Variants in USP3 observed in about 807,000 individuals in gnomAD.
USP3 encodes ubiquitin carboxyl-terminal hydrolase 3.
A neutral mutation model predicts 72.3 loss-of-function variants in USP3; 20 were observed. The ratio of observed to expected loss-of-function variants is 0.28; its 90% CI spans 0.19 to 0.40. USP3 has a LOEUF of 0.40. Ranked by LOEUF, USP3 falls within the 10% of genes least tolerant of loss-of-function variation. The pLI is 1.00. For missense variants in USP3, 479 were observed against 633.9 expected (o/e 0.76, Z 2.62); for synonymous variants, 222 against 225.3 (o/e 0.99, Z 0.13).
rs371622451 is a variant in USP3, at chr15:63,558,094, C to T, written c.451-12C>T. 3.1e-6 allele frequency: 5 copies of T among 1,614,040 alleles called. No individual in the cohort carries two copies. Among genetic ancestry groups the T allele is most frequent in the South Asian group, 1.1e-5 (1 of 91,084 alleles). ...TGGCATTACTGATGGCCTCTTCTTG[C>T]ACCACTTACAGGGAAGCACCACTGC... On this transcript the variant is annotated splice_polypyrimidine_tract_variant and intron_variant, in intron 5 of 14. Transcript: ENST00000380324.
chr15:63,527,756 C>A (rs1224835059), intron 1 of USP3: 1 of 152,242 alleles, frequency 6.6e-6, no homozygotes, highest in Admixed American at 6.5e-5. Context: ...CTGCTCCGGT[C>A]TCTCTTGATA....
rs2066089503 is a variant in USP3, at chr15:63,532,384, AGT to A, written c.92-260_92-259del. 3.3e-5 allele frequency: 17 copies of A among 511,930 alleles called. No homozygotes were observed. The South Asian group carries it at 3.8e-4, about 12-fold the overall frequency. 31.7% of individuals were successfully genotyped at this position (511,930 alleles called of 1,614,324 possible). A position where few individuals can be genotyped will look rare whatever the true frequency, so the allele number is the denominator to read the frequency against. On this transcript the variant is annotated intron_variant, in intron 1 of 14. Transcript: ENST00000380324. ...AAGGGAATAAGTAATAAAGGAGACA[AGT>A]GTATATGTGTTTAACGTGGTTAAGC...
intron 1 of USP3, among the ~76,000 whole-genome samples, chr15:63,512,043 G>A (rs1319420144): frequency 2.2e-5 from 3 of 135,128 alleles, no homozygotes; most frequent in African/African-American, 5.6e-5. Context: ...TGCAACCTCC[G>A]CCTCTCGGGC....
At chr15:63,585,523 G>A (rs775264186) in intron 11 of USP3, among the ~76,000 whole-genome samples, 5 of 152,136 alleles carry the variant, frequency 3.3e-5, no homozygotes, top group Admixed American at 2.0e-4. Flanking sequence ...TGAATACATT[G>A]TTAGTGTATA....
Position 63,563,012 on chromosome 15 carries a change from A to G in USP3, c.761+4A>G. 6.3e-7 allele frequency: 1 copy of G among 1,583,794 alleles called. No individual in the cohort carries two copies. Among genetic ancestry groups the G allele is most frequent in the Non-Finnish European group, 8.6e-7 (1 of 1,158,982 alleles). On this transcript the variant is annotated splice_donor_region_variant and intron_variant, in intron 8 of 14. Coordinates refer to ENST00000380324, the MANE Select transcript of USP3 (RefSeq NM_006537.4). The stretch of plus-strand genomic sequence containing the variant: ...GGAAGATTATGCCAAACTTTAGGTA[A>G]GTATTATATGAAGATATTTTTAAAC...
chr15:63,554,202 C>A (rs2066475433), intron 4 of USP3, among the ~76,000 whole-genome samples: 2 of 152,124 alleles, frequency 1.3e-5, no homozygotes, highest in Non-Finnish European at 2.9e-5. Flanking sequence ...ATGATTTATG[C>A]ATCATTTTTA....
chr15:63,576,081 G>A (rs1201637723), intron 11 of USP3, among the ~76,000 whole-genome samples: 1 of 150,978 alleles, frequency 6.6e-6, no homozygotes, highest in East Asian at 1.9e-4. Context: ...CCGCCTCCCA[G>A]GTTCAAGTGA....
chr15:63,558,653 T>C (rs2066552151), intron 6 of USP3, among the ~76,000 whole-genome samples: 3 of 151,950 alleles, frequency 2.0e-5, no homozygotes, highest in Admixed American at 2.0e-4. Context: ...GGCGGGCAGA[T>C]CACCTAAAGT....
intron 3 of USP3, among the ~76,000 whole-genome samples, chr15:63,541,510 T>C (rs1177870203): frequency 6.6e-6 from 1 of 152,182 alleles, no homozygotes; most frequent in African/African-American, 2.4e-5. Context: ...GAAGAAACTT[T>C]CTAATAGAGA....
chr15:63,556,840 G>C, intron 5 of USP3, 92 bp downstream of exon 5: 1 of 904,910 alleles, frequency 1.1e-6, no homozygotes, highest in Non-Finnish European at 1.7e-6. Context: ...ACCTGTTACA[G>C]ACTTTTATAA....
In USP3 at chr15:63,542,307, TTAAA is replaced by T. The variant is rs576998099; in HGVS notation, c.284+5154_284+5157del. 3.7e-4 allele frequency: 208 copies of T among 557,656 alleles called. 1 individual carries two copies. In the African/African-American group the frequency reaches 4.1e-3, roughly 11 times the overall value. 34.5% of individuals were successfully genotyped at this position (557,656 alleles called of 1,614,324 possible). ...AAGTGTTTTTTATTTTAATTAATAT[TTAAA>T]TAGCACCATGTGACTGCTAGCTACT... On this transcript the variant is annotated intron_variant, in intron 3 of 14. Coordinates refer to ENST00000380324, the MANE Select transcript of USP3 (RefSeq NM_006537.4).
chr15:63,557,335 C>G (rs2066529653), intron 5 of USP3, among the ~76,000 whole-genome samples: 1 of 151,922 alleles, frequency 6.6e-6, no homozygotes, highest in Admixed American at 6.6e-5. Context: ...CAATCTTGGC[C>G]CATTGCAACC....
intron 8 of USP3, among the ~76,000 whole-genome samples, chr15:63,565,755 T>C (rs2066679897): frequency 6.6e-6 from 1 of 152,208 alleles, no homozygotes; most frequent in Non-Finnish European, 1.5e-5. Flanking sequence ...AGTTGTATCA[T>C]AATTTGTGTC....
At chr15:63,556,819 C>A in intron 5 of USP3, 71 bp downstream of exon 5, 1 of 1,070,950 alleles carries the variant, frequency 9.3e-7, no homozygotes, top group Non-Finnish European at 1.3e-6. Flanking sequence ...ACAACTCTAA[C>A]ATGTAATGTT....
rs143834641 is a variant in USP3, at chr15:63,556,495, A to AGT, written c.369-171_369-170dup. The AGT allele has an allele frequency of 3.8e-4, 179 of 470,862 alleles. 1 individual carries two copies. The highest frequency in any genetic ancestry group is 3.5e-3 in the African/African-American group (174 of 50,068). The allele number at this position is 470,862 out of a possible 1,614,324, so 29.2% of individuals were successfully genotyped here. A position where few individuals can be genotyped will look rare whatever the true frequency, so the allele number is the denominator to read the frequency against. ...GAGGAGCAATGGGGATTTCCAAGGA[A>AGT]GTAGAGCTCCTCGGTTAACTTCAAA... On this transcript the variant is annotated intron_variant, in intron 4 of 14. Transcript: ENST00000380324.
chr15:63,547,912 T>TAGAGAGAGGCAG (rs1400362399), intron 3 of USP3, among the ~76,000 whole-genome samples: 1 of 99,862 alleles, frequency 1.0e-5, no homozygotes, highest in Non-Finnish European at 2.2e-5. Context: ...GAGAGAGGCA[T>TAGAGAGAGGCAG]ATAGTGGCTC....
chr15:63,545,272 T>C (rs1258077307), intron 3 of USP3, among the ~76,000 whole-genome samples: 7 of 152,216 alleles, frequency 4.6e-5, no homozygotes, highest in Admixed American at 3.3e-4. Flanking sequence ...ATGTATCTTT[T>C]TTCAGTGCAC....
chr15:63,512,419 C>A (rs187443810), intron 1 of USP3, among the ~76,000 whole-genome samples: 17 of 144,000 alleles, frequency 1.2e-4, no homozygotes, highest in African/African-American at 4.4e-4. Flanking sequence ...TTTCTTCTTT[C>A]TTTTTCTTTC....
In USP3 at chr15:63,570,551, A is replaced by C. The variant is rs1418876745; in HGVS notation, c.880A>C (p.Thr294Pro). The part of the protein sequence containing the change: ...SRSAILQENS[T>P]LSASNKCCIN... The stretch of plus-strand genomic sequence containing the variant: ...CTCAGCAATTCTGCAGGAGAATTCT[A>C]CTCTGTCTGCAAGTAACAAGTGTTG... Residue 294 changes from threonine (T) to proline (P), a missense_variant, in exon 9 of 15, where the codon ACT becomes CCT. By Grantham distance (38) the Thr-to-Pro change is conservative (BLOSUM62 -1). Transcript: ENST00000380324. The surrounding 1 kb of genome is among the most constrained non-coding windows in gnomAD (Gnocchi z 4.4). 2 of 1,613,912 alleles carry C rather than the reference A, an allele frequency of 1.2e-6. No homozygotes were observed. Among genetic ancestry groups the C allele is most frequent in the East Asian group, 2.2e-5 (1 of 44,878 alleles).
Sources: allele counts gnomAD v4.1 joint callset (sites outside exome capture counted in the v4.1 genomes callset), GRCh38; gene constraint gnomAD v4.1.1; non-coding constraint Gnocchi (gnomAD v3.1); transcripts MANE v1.5; gene names NCBI Gene and HGNC (gene_info 2026-07-23, HGNC 2026-07-21).